TBCK: variants seen among roughly 807,000 people sequenced by gnomAD.
The protein encoded by TBCK is TBC1 domain containing kinase, also known as TBC domain-containing protein kinase-like protein.
Under a neutral mutation model 113.4 loss-of-function variants are expected in TBCK, and 99 were observed. The observed-to-expected ratio is 0.87, with a 90% CI of 0.74 to 1.03. The LOEUF (loss-of-function observed/expected upper bound fraction) is 1.03. TBCK is among the 50% of genes least tolerant of loss of function. The probability of loss-of-function intolerance (pLI) is 0.00; values close to 1 mark genes in which losing one functional copy is unlikely to be tolerated. For synonymous variants in TBCK, 369 were observed against 370.8 expected (o/e 1.00, Z 0.05); for missense variants, 1,045 against 1,061.3 (o/e 0.98, Z 0.21).
intron 22 of TBCK, among the ~76,000 whole-genome samples, chr4:106,177,576 T>TA (rs1053712396): frequency 1.8e-4 from 27 of 151,978 alleles, no homozygotes; most frequent in East Asian, 1.5e-3. Context: ...CACCATTTAT[T>TA]AAAAAAAACC....
In TBCK at chr4:106,078,496, T is replaced by C. The variant is rs1738485245; in HGVS notation, c.2571+16986A>G. The stretch of plus-strand genomic sequence containing the variant: ...AAATACAAAAGTTCACCAGAGAATA[T>C]TATGAACACCTCTATGCACACAATT... On this transcript the variant is annotated intron_variant, in intron 25 of 25. Transcript: ENST00000394708. Among the ~76,000 whole-genome samples the C allele has an allele frequency of 1.3e-5, 2 of 152,192 alleles. 1 individual carries two copies. Among genetic ancestry groups the C allele is most frequent in the South Asian group, 4.1e-4 (2 of 4,824 alleles).
At chr4:106,176,276 G>A (rs1026480312) in intron 22 of TBCK, among the ~76,000 whole-genome samples, 2 of 151,800 alleles carry the variant, frequency 1.3e-5, no homozygotes, top group African/African-American at 2.4e-5. Flanking sequence ...TTATTCCTTC[G>A]GTCTAACTGT....
At chr4:106,096,312 T>G (rs745527572) in intron 24 of TBCK, among the ~76,000 whole-genome samples, 2 of 152,236 alleles carry the variant, frequency 1.3e-5, no homozygotes, top group East Asian at 3.8e-4. Context: ...AAACTGAAAG[T>G]ACTTTTATTT....
chr4:106,122,108 C>T (rs1318736582), intron 23 of TBCK, among the ~76,000 whole-genome samples: 1 of 151,794 alleles, frequency 6.6e-6, no homozygotes, highest in Non-Finnish European at 1.5e-5. Context: ...AAAGGATCAA[C>T]AAAATTGATA....
At chr4:106,220,970 A>G (rs1035101342) in intron 19 of TBCK, among the ~76,000 whole-genome samples, 23 of 152,338 alleles carry the variant, frequency 1.5e-4, no homozygotes, top group African/African-American at 4.8e-4. Context: ...AGCATGCTTC[A>G]TTTTAAAACA....
intron 3 of TBCK, among the ~76,000 whole-genome samples, chr4:106,270,199 G>A (rs1047148580): frequency 2.0e-5 from 3 of 152,144 alleles, no homozygotes; most frequent in African/African-American, 7.2e-5. Flanking sequence ...AAAATTGCAA[G>A]TTGAGTTCTC....
chr4:106,109,328 G>C (rs1034684687), intron 24 of TBCK, among the ~76,000 whole-genome samples: 2 of 152,054 alleles, frequency 1.3e-5, no homozygotes, highest in South Asian at 4.1e-4. Flanking sequence ...ACGATGCTAA[G>C]CAAAAAGAAG....
At chr4:106,073,325 T>G (rs1737722848) in intron 25 of TBCK, among the ~76,000 whole-genome samples, 1 of 152,224 alleles carries the variant, frequency 6.6e-6, no homozygotes, top group Non-Finnish European at 1.5e-5. Flanking sequence ...TATTCCTTTC[T>G]GTTTGTTAGT....
chr4:106,120,305 G>T (rs1184820728), intron 23 of TBCK, among the ~76,000 whole-genome samples: 1 of 152,098 alleles, frequency 6.6e-6, no homozygotes, highest in African/African-American at 2.4e-5. Flanking sequence ...CACCTGGCTC[G>T]GAGGGTCTTA....
At chr4:106,280,087 C>T (rs948068072) in intron 3 of TBCK, among the ~76,000 whole-genome samples, 3 of 152,064 alleles carry the variant, frequency 2.0e-5, no homozygotes, top group Non-Finnish European at 4.4e-5. Context: ...ACACCCTTGC[C>T]AACATTTATT....
intron 13 of TBCK, 40 bp from the exon 14 acceptor site, chr4:106,236,559 C>T: frequency 1.4e-6 from 2 of 1,392,234 alleles, no homozygotes; most frequent in Non-Finnish European, 1.9e-6. Flanking sequence ...AAAAAATGGA[C>T]AAAAGGTACA....
At chr4:106,167,164 C>T (rs924208170) in intron 23 of TBCK, among the ~76,000 whole-genome samples, 2 of 143,530 alleles carry the variant, frequency 1.4e-5, no homozygotes, top group Non-Finnish European at 3.0e-5. Flanking sequence ...ATATATAGAA[C>T]TGTATATATA....
chr4:106,094,168 A>G (rs1274907353), intron 25 of TBCK, among the ~76,000 whole-genome samples: 3 of 152,192 alleles, frequency 2.0e-5, no homozygotes, highest in East Asian at 1.9e-4. Flanking sequence ...TAACCCTTAC[A>G]TGTTGTTTTC....
At position 106,177,850 on chromosome 4, in the gene TBCK, C is replaced by T. The variant is rs191423362; in HGVS notation, c.2060-6580G>A. Among the ~76,000 whole-genome samples, 22 of 151,870 alleles carry T rather than the reference C, an allele frequency of 1.4e-4. No individual in the cohort carries two copies. The East Asian group carries it at 2.5e-3, about 17-fold the overall frequency. ...CATAAAAATTTTAGGATTATTTTTT[C>T]GAATTCTGTTAAGAGTGTCATTGGT... On this transcript the variant is annotated intron_variant, in intron 22 of 25. Transcript: ENST00000394708.
At chr4:106,083,099 C>G (rs186231205) in intron 25 of TBCK, among the ~76,000 whole-genome samples, 9 of 152,348 alleles carry the variant, frequency 5.9e-5, no homozygotes, top group Admixed American at 5.9e-4. Context: ...GCACTGGCTG[C>G]GGCTACCTGC....
At chr4:106,233,129 C>T in intron 16 of TBCK, 65 bp from the exon 17 acceptor site, 8 of 1,397,366 alleles carry the variant, frequency 5.7e-6, no homozygotes, top group Non-Finnish European at 7.8e-6. Flanking sequence ...ACCCTTAATC[C>T]TTGTTCATTA....
intron 6 of TBCK, among the ~76,000 whole-genome samples, chr4:106,250,848 C>G (rs367918394): frequency 6.6e-6 from 1 of 151,850 alleles, no homozygotes; most frequent in Admixed American, 6.6e-5. Context: ...TATACTCTTT[C>G]GCCTACCGAG....
intron 19 of TBCK, among the ~76,000 whole-genome samples, chr4:106,221,524 CAT>C (rs1757677893): frequency 6.6e-6 from 1 of 152,034 alleles, no homozygotes; most frequent in Non-Finnish European, 1.5e-5. Context: ...AAAGGGAGCA[CAT>C]GTGACAGCTG....
At chr4:106,189,729 C>A (rs929933438) in intron 22 of TBCK, among the ~76,000 whole-genome samples, 2 of 152,076 alleles carry the variant, frequency 1.3e-5, no homozygotes, top group Admixed American at 1.3e-4. Flanking sequence ...ATACTTATTT[C>A]ATTACTTCAA....
Sources: gnomAD v4.1 joint callset for allele counts (sites outside exome capture counted in the v4.1 genomes callset) on GRCh38, gnomAD v4.1.1 for gene constraint, MANE v1.5 for transcripts, NCBI Gene and HGNC (gene_info 2026-07-23, HGNC 2026-07-21) for gene names.